The following BBS9 variants were observed in gnomAD, a reference collection of about 807,000 sequenced individuals.
BBS9 encodes protein PTHB1.
A neutral mutation model predicts 117.7 loss-of-function variants in BBS9; 89 were observed. The observed-to-expected ratio is 0.76, with a 90% CI of 0.64 to 0.90. The LOEUF (loss-of-function observed/expected upper bound fraction) is 0.90, where lower values mean the gene tolerates loss of function less well. BBS9 is among the 40% of genes least tolerant of loss of function. The pLI, the probability that BBS9 is intolerant of heterozygous loss-of-function variation, is 0.00. For missense variants in BBS9, 982 were observed against 1,042.2 expected, an observed-to-expected ratio of 0.94 and a Z score of 0.80; for synonymous variants, 379 against 370.9, an observed-to-expected ratio of 1.02 and a Z score of -0.25.
At chr7:33,178,346 G>A (rs112438069) in intron 5 of BBS9, among the ~76,000 whole-genome samples, 5 of 152,296 alleles carry the variant, frequency 3.3e-5, no homozygotes, top group Admixed American at 1.3e-4. Context: ...CTCCCACCTT[G>A]GCAGAGGGGT....
chr7:33,307,508 A>G (rs938583172), intron 9 of BBS9, among the ~76,000 whole-genome samples: 1 of 151,800 alleles, frequency 6.6e-6, no homozygotes, highest in African/African-American at 2.4e-5. Context: ...TTTTTTGTAA[A>G]CACTCATCCC....
intron 19 of BBS9, among the ~76,000 whole-genome samples, chr7:33,405,031 C>T (rs911920704): frequency 6.6e-6 from 1 of 152,032 alleles, no homozygotes; most frequent in African/African-American, 2.4e-5. Flanking sequence ...CAATACCGAA[C>T]TTATTGAGAG....
At chr7:33,453,428 T>C (rs1838187272) in intron 19 of BBS9, among the ~76,000 whole-genome samples, 1 of 152,008 alleles carries the variant, frequency 6.6e-6, no homozygotes, top group South Asian at 2.1e-4. Flanking sequence ...CTCTTCCTCC[T>C]CCTCAGCCTG....
intron 19 of BBS9, among the ~76,000 whole-genome samples, chr7:33,405,531 T>G (rs1829773408): frequency 1.3e-5 from 2 of 152,328 alleles, no homozygotes; most frequent in Admixed American, 6.5e-5. Flanking sequence ...AGCCTGTTAT[T>G]GGTCTATTCA....
At chr7:33,393,979 T>G (rs1827513306) in intron 19 of BBS9, among the ~76,000 whole-genome samples, 1 of 152,178 alleles carries the variant, frequency 6.6e-6, no homozygotes, top group Admixed American at 6.6e-5. Context: ...ATCCCCATCT[T>G]ATTTTTGCTA....
intron 9 of BBS9, among the ~76,000 whole-genome samples, chr7:33,298,125 ATTTTCATTTT>A (rs1247057313): frequency 2.6e-5 from 4 of 152,038 alleles, no homozygotes; most frequent in South Asian, 2.1e-4. Flanking sequence ...GTTCAGGAAT[ATTTTCATTTT>A]TTTTCATTTT....
At chr7:33,359,783 C>A (rs1013127387) in intron 16 of BBS9, among the ~76,000 whole-genome samples, 10 of 151,934 alleles carry the variant, frequency 6.6e-5, no homozygotes, top group Non-Finnish European at 1.2e-4. Context: ...TACATGTCTT[C>A]CCATTTGTTT....
intron 20 of BBS9, chr7:33,533,548 G>A (rs575269654): frequency 1.0e-4 from 21 of 203,900 alleles, no homozygotes; most frequent in South Asian, 5.3e-4. Flanking sequence ...TCCTTTAGCC[G>A]AAGATAAGAA....
chr7:33,242,425 A>C (rs1459709483), intron 5 of BBS9, among the ~76,000 whole-genome samples: 1 of 152,096 alleles, frequency 6.6e-6, no homozygotes, highest in Non-Finnish European at 1.5e-5. Flanking sequence ...ATCTCATTTG[A>C]GAGCAGGAAA....
chr7:33,455,610 C>G (rs746949537), intron 19 of BBS9, among the ~76,000 whole-genome samples: 20 of 152,224 alleles, frequency 1.3e-4, no homozygotes, highest in Middle Eastern at 3.4e-3. Context: ...CAAAACTATC[C>G]CCGCACCAAT....
intron 20 of BBS9, among the ~76,000 whole-genome samples, chr7:33,529,186 A>C (rs535788307): frequency 3.4e-4 from 52 of 152,360 alleles, no homozygotes; most frequent in African/African-American, 9.9e-4. Flanking sequence ...ATCTGGGACC[A>C]GCATGGACTG....
intron 20 of BBS9, among the ~76,000 whole-genome samples, chr7:33,532,142 A>T (rs1008986673): frequency 6.6e-6 from 1 of 152,198 alleles, no homozygotes; most frequent in Non-Finnish European, 1.5e-5. Flanking sequence ...CCACCCATCA[A>T]CCCTTGGATG....
Position 33,550,319 on chromosome 7 carries a change from A to G in BBS9, c.2521+16143A>G, listed in dbSNP as rs1376736852. On this transcript the variant is annotated intron_variant, in intron 21 of 22. Transcript: ENST00000242067. Reference sequence around the variant, plus strand: ...CCTTTAGATTTTAGGGTGCCTAGATAAAGTATTTTAATTACTTACAAGCAA... The same window carrying G: ...CCTTTAGATTTTAGGGTGCCTAGATGAAGTATTTTAATTACTTACAAGCAA... Among the ~76,000 whole-genome samples the G allele has an allele frequency of 2.0e-5, 3 of 152,158 alleles. No homozygotes were observed. The East Asian group carries it at 5.8e-4, about 29-fold the overall frequency.
chr7:33,336,218 G>C (rs1815326206), intron 9 of BBS9, among the ~76,000 whole-genome samples: 1 of 152,164 alleles, frequency 6.6e-6, no homozygotes. Context: ...TAATAATTAA[G>C]CTTTTTTCCC....
At chr7:33,172,738 A>G (rs1045661908) in intron 4 of BBS9, among the ~76,000 whole-genome samples, 1 of 152,194 alleles carries the variant, frequency 6.6e-6, no homozygotes, top group Non-Finnish European at 1.5e-5. Context: ...TTGCATTTCT[A>G]AAATAACTCT....
chr7:33,275,960 C>T (rs1001883805), intron 9 of BBS9, among the ~76,000 whole-genome samples: 2 of 152,082 alleles, frequency 1.3e-5, no homozygotes, highest in East Asian at 1.9e-4. Context: ...ATTTTATTTT[C>T]GGTACCTGTG....
chr7:33,384,301 G>A (rs959241680), intron 18 of BBS9, among the ~76,000 whole-genome samples: 7 of 152,246 alleles, frequency 4.6e-5, no homozygotes. Flanking sequence ...ATCTGGCACA[G>A]TGGGTGCTTA....
intron 5 of BBS9, among the ~76,000 whole-genome samples, chr7:33,234,748 T>G (rs1793157386): frequency 6.6e-6 from 1 of 151,966 alleles, no homozygotes; most frequent in Non-Finnish European, 1.5e-5. Context: ...TATATGTATA[T>G]GTGTGTATAT....
At chr7:33,131,763 C>T (rs928524484) in intron 1 of BBS9, among the ~76,000 whole-genome samples, 2 of 151,496 alleles carry the variant, frequency 1.3e-5, no homozygotes, top group African/African-American at 4.9e-5. Flanking sequence ...TCGTCTTTGC[C>T]GAGCATGGCA....
Sources: allele counts gnomAD v4.1 joint callset (sites outside exome capture counted in the v4.1 genomes callset), GRCh38; gene constraint gnomAD v4.1.1; transcripts MANE v1.5; gene names NCBI Gene and HGNC (gene_info 2026-07-23, HGNC 2026-07-21).